IGSF11: variants seen among roughly 807,000 people sequenced by gnomAD.
IGSF11 encodes the protein immunoglobulin superfamily member 11, also known as CXADR like 1.
In IGSF11, 22 loss-of-function variants were observed where a neutral mutation model predicts 41.0. The ratio of observed to expected loss-of-function variants is 0.54; its 90% CI spans 0.38 to 0.77. The LOEUF is 0.77. IGSF11 is among the 30% of genes least tolerant of loss of function. The pLI is 0.00. For synonymous variants in IGSF11, 219 were observed against 201.3 expected, an observed-to-expected ratio of 1.09 and a Z score of -0.74; for missense variants, 444 against 530.8, an observed-to-expected ratio of 0.84 and a Z score of 1.61.
At chr3:119,050,535 T>A (rs1246229712) in intron 1 of IGSF11, among the ~76,000 whole-genome samples, 1 of 151,690 alleles carries the variant, frequency 6.6e-6, no homozygotes, top group Non-Finnish European at 1.5e-5. Context: ...GGAACACTTT[T>A]ACACTGTTAG....
intron 1 of IGSF11, among the ~76,000 whole-genome samples, chr3:119,117,203 A>AC (rs2077269565): frequency 6.6e-6 from 1 of 152,128 alleles, no homozygotes; most frequent in African/African-American, 2.4e-5. Flanking sequence ...TTATCAAAAA[A>AC]AAAAAAACTA....
intron 1 of IGSF11, among the ~76,000 whole-genome samples, chr3:119,074,622 G>A (rs1450521219): frequency 4.6e-5 from 7 of 151,310 alleles, no homozygotes; most frequent in South Asian, 2.1e-4. Context: ...TTGGGAGGCC[G>A]AGGCAGGTGG....
chr3:118,978,168 T>C (rs1331873796), intron 1 of IGSF11, among the ~76,000 whole-genome samples: 1 of 152,162 alleles, frequency 6.6e-6, no homozygotes, highest in Admixed American at 6.5e-5. Flanking sequence ...GCTTGGAGAC[T>C]GCCTGATCCA....
chr3:119,115,669 G>A (rs765982269), intron 1 of IGSF11, among the ~76,000 whole-genome samples: 4 of 152,104 alleles, frequency 2.6e-5, no homozygotes, highest in Non-Finnish European at 5.9e-5. Flanking sequence ...TAGATGAATA[G>A]TTGCAAATAT....
At chr3:119,133,577 A>G (rs1211867036) in intron 1 of IGSF11, among the ~76,000 whole-genome samples, 1 of 152,194 alleles carries the variant, frequency 6.6e-6, no homozygotes, top group Non-Finnish European at 1.5e-5. Flanking sequence ...GGCAATAATT[A>G]ATAGCCTACC....
chr3:118,928,668 G>A lies in IGSF11; in HGVS notation c.265C>T (p.His89Tyr), dbSNP rs1942582793. ...GTGCCTGTAAATCCTACCCTACCGT[G>A]GAACCGGGGGGCACCATCAAACATC... ...GQMFDGAPRF[H>Y]GRVGFTGTMP... The change falls in exon 3 of 7, where the codon CAC becomes TAC. Residue 89 changes from histidine to tyrosine, a missense_variant. This residue lies in a region of IGSF11 where 193 missense variants were observed against 283.5 expected (regional missense o/e 0.68). Coordinates refer to ENST00000393775, the MANE Select transcript of IGSF11 (RefSeq NM_001015887.3). 1.9e-6 allele frequency: 3 copies of A among 1,614,068 alleles called. No homozygotes were observed. Among genetic ancestry groups the A allele is most frequent in the Non-Finnish European group, 2.5e-6 (3 of 1,179,982 alleles).
At chr3:118,936,619 TTTCAC>T (rs1223028318) in intron 1 of IGSF11, among the ~76,000 whole-genome samples, 4 of 152,216 alleles carry the variant, frequency 2.6e-5, no homozygotes, top group African/African-American at 9.6e-5. Flanking sequence ...TTCTTTGTAC[TTTCAC>T]TTCAGTCAAC....
intron 1 of IGSF11, among the ~76,000 whole-genome samples, chr3:119,093,156 A>G (rs1257573778): frequency 6.6e-6 from 1 of 152,242 alleles, no homozygotes; most frequent in African/African-American, 2.4e-5. Flanking sequence ...AATAACAGAA[A>G]ATGCCCTATC....
chr3:118,964,337 C>A (rs1280217855), intron 1 of IGSF11, among the ~76,000 whole-genome samples: 1 of 151,966 alleles, frequency 6.6e-6, no homozygotes, highest in Non-Finnish European at 1.5e-5. Flanking sequence ...AGACAGTTAA[C>A]CAACATGCAG....
At chr3:119,100,927 A>C (rs865898042) in intron 1 of IGSF11, among the ~76,000 whole-genome samples, 1 of 152,208 alleles carries the variant, frequency 6.6e-6, no homozygotes, top group Middle Eastern at 3.2e-3. Flanking sequence ...TGAGGGATGA[A>C]TCCTGAGGAC....
chr3:119,050,531 C>G (rs1237062193), intron 1 of IGSF11, among the ~76,000 whole-genome samples: 1 of 151,714 alleles, frequency 6.6e-6, no homozygotes, highest in East Asian at 1.9e-4. Context: ...AATAGGAACA[C>G]TTTTACACTG....
chr3:118,912,953 T>C (rs562186976), intron 4 of IGSF11, among the ~76,000 whole-genome samples: 2 of 152,204 alleles, frequency 1.3e-5, no homozygotes, highest in Admixed American at 6.5e-5. Context: ...TGAGCAGTGA[T>C]TGTGCCACTG....
intron 1 of IGSF11, among the ~76,000 whole-genome samples, chr3:119,043,621 A>C (rs1941205676): frequency 6.6e-6 from 1 of 152,192 alleles, no homozygotes; most frequent in Admixed American, 6.5e-5. Context: ...CTTGGTTGCA[A>C]AAAACTGCAA....
chr3:119,043,301 G>C (rs1941194148), intron 1 of IGSF11, among the ~76,000 whole-genome samples: 1 of 152,200 alleles, frequency 6.6e-6, no homozygotes, highest in Non-Finnish European at 1.5e-5. Context: ...TCAGGCGATA[G>C]ATGACTGGCT....
chr3:119,041,418 C>A (rs1941115471), intron 1 of IGSF11, among the ~76,000 whole-genome samples: 1 of 152,014 alleles, frequency 6.6e-6, no homozygotes. Context: ...CCCATCTCTA[C>A]TAAAAATACA....
chr3:118,930,347 G>GTTAT (rs1201597567), intron 1 of IGSF11, 72 bp from the exon 2 acceptor site: 2 of 1,440,136 alleles, frequency 1.4e-6, no homozygotes, highest in Admixed American at 4.5e-5. Context: ...AGGAAGGTTT[G>GTTAT]CGTGTTTTAT....
chr3:119,112,382 G>A lies in IGSF11; in HGVS notation c.-13-7177C>T, dbSNP rs573535532. 3.1e-4 allele frequency among the ~76,000 whole-genome samples: 47 copies of A among 152,282 alleles called. 1 individual carries two copies. The highest frequency in any genetic ancestry group is 1.9e-3 in the South Asian group (9 of 4,814). On this transcript the variant is annotated intron_variant, in intron 1 of 7. Transcript: ENST00000425327. ...TAGCAATCAGCGAGACTCTGTGGGC[G>A]TAGGACCCTCCGAGCCATGTGCGGG...
intron 1 of IGSF11, among the ~76,000 whole-genome samples, chr3:118,974,427 G>A (rs1023625698): frequency 2.0e-5 from 3 of 152,180 alleles, no homozygotes; most frequent in Non-Finnish European, 2.9e-5. Context: ...GTTGGCAATT[G>A]CAATTAAGAA....
chr3:118,961,865 G>A (rs1256274596), intron 1 of IGSF11, among the ~76,000 whole-genome samples: 2 of 152,184 alleles, frequency 1.3e-5, no homozygotes, highest in Non-Finnish European at 1.5e-5. Context: ...AATTGCCATG[G>A]TTACTGTTAA....
Sources: gnomAD v4.1 joint callset for allele counts (sites outside exome capture counted in the v4.1 genomes callset) on GRCh38, gnomAD v4.1.1 for gene constraint, gnomAD v4.1.1 regional missense constraint, MANE v1.5 for transcripts, NCBI Gene and HGNC (gene_info 2026-07-23, HGNC 2026-07-21) for gene names.